The following ATP8A1 variants were observed in gnomAD, a reference collection of about 807,000 sequenced individuals.
The protein encoded by ATP8A1 is phospholipid-transporting ATPase IA.
ATP8A1 carries 90 observed loss-of-function variants against 177.7 expected under a neutral mutation model. The observed-to-expected ratio is 0.51, with a 90% CI of 0.43 to 0.60. ATP8A1 has a LOEUF of 0.60. ATP8A1 is among the 20% of genes least tolerant of loss of function. The pLI, the probability that ATP8A1 is intolerant of heterozygous loss-of-function variation, is 0.00. For missense variants in ATP8A1, 1,072 were observed against 1,392.8 expected (o/e 0.77, Z 3.67); for synonymous variants, 493 against 485.9 (o/e 1.01, Z -0.19).
At chr4:42,643,321 T>C (rs1028956156) in intron 1 of ATP8A1, among the ~76,000 whole-genome samples, 5 of 152,220 alleles carry the variant, frequency 3.3e-5, no homozygotes, top group Non-Finnish European at 2.9e-5. Context: ...TGCAATACTC[T>C]AAGAGAATAA....
chr4:42,416,559 TAAAAC>T (rs1577888224), intron 35 of ATP8A1, among the ~76,000 whole-genome samples: 1 of 152,178 alleles, frequency 6.6e-6, no homozygotes, highest in African/African-American at 2.4e-5. Flanking sequence ...CGTACAGCAT[TAAAAC>T]AAAGCAGTAA....
At chr4:42,636,138 A>ACG (rs1326939392) in intron 1 of ATP8A1, among the ~76,000 whole-genome samples, 11 of 40,262 alleles carry the variant, frequency 2.7e-4, no homozygotes, top group African/African-American at 7.4e-4. Context: ...ACACACACAC[A>ACG]CACACACACA....
intron 20 of ATP8A1, among the ~76,000 whole-genome samples, chr4:42,532,645 C>G (rs1727391540): frequency 6.6e-6 from 1 of 152,130 alleles, no homozygotes. Context: ...AGATAGGAGG[C>G]AGGACTAACT....
At chr4:42,445,395 TAC>T (rs1439423509) in intron 31 of ATP8A1, among the ~76,000 whole-genome samples, 1 of 152,222 alleles carries the variant, frequency 6.6e-6, no homozygotes, top group Non-Finnish European at 1.5e-5. Flanking sequence ...TTACCAATCT[TAC>T]AGAGATTTTT....
intron 24 of ATP8A1, among the ~76,000 whole-genome samples, chr4:42,497,073 A>G (rs1723352872): frequency 6.6e-6 from 1 of 152,224 alleles, no homozygotes; most frequent in Non-Finnish European, 1.5e-5. Context: ...TTTGGGAGAT[A>G]GCTGCTGGAA....
rs1021520918 is a variant in ATP8A1 at position 42,648,363 on chromosome 4, G to A, written c.49+8462C>T. Among the ~76,000 whole-genome samples the A allele has an allele frequency of 3.3e-5, 5 of 151,920 alleles. No homozygotes were observed. The East Asian group carries it at 5.8e-4, about 18-fold the overall frequency. ...GACCAAAATAAAGAGAGGTGGCGGC[G>A]GGTGGGGTGGGGGGAAGGGAAAGAG... On this transcript the variant is annotated intron_variant, in intron 1 of 36. Transcript: ENST00000381668.
At chr4:42,416,212 C>A (rs762294687) in intron 35 of ATP8A1, among the ~76,000 whole-genome samples, 1 of 152,104 alleles carries the variant, frequency 6.6e-6, no homozygotes, top group Non-Finnish European at 1.5e-5. Context: ...TTGAGGAAGT[C>A]GCAGCTTTAG....
chr4:42,435,659 G>A (rs1002359558), intron 33 of ATP8A1, among the ~76,000 whole-genome samples: 1 of 152,118 alleles, frequency 6.6e-6, no homozygotes, highest in Non-Finnish European at 1.5e-5. Context: ...GCTCTCTCCA[G>A]CTCTCTCTGC....
rs150853446 is a variant in ATP8A1, at chr4:42,538,900, C to T, written c.1722+5017G>A. Reference sequence around the variant, plus strand: ...ACTACCATTTGATCCAGCAATCCCACTCCTGGGTATCTACCCAGAGGAAAA... The same window carrying T: ...ACTACCATTTGATCCAGCAATCCCATTCCTGGGTATCTACCCAGAGGAAAA... On this transcript the variant is annotated intron_variant, in intron 20 of 36. Transcript: ENST00000381668. 2.3e-3 allele frequency among the ~76,000 whole-genome samples: 348 copies of T among 152,286 alleles called. 3 individuals are homozygous for T. The highest frequency in any genetic ancestry group is 8.0e-3 in the African/African-American group (331 of 41,552).
chr4:42,562,071 C>CT (rs1730892661), intron 15 of ATP8A1: 1 of 152,130 alleles, frequency 6.6e-6, no homozygotes, highest in African/African-American at 2.4e-5. Context: ...GCTCAGGTTT[C>CT]TTTTTTCTCT....
At position 42,522,695 on chromosome 4, in the gene ATP8A1, G is replaced by C. The variant is rs572040047; in HGVS notation, c.1808-396C>G. 8.5e-5 allele frequency among the ~76,000 whole-genome samples: 13 copies of C among 152,148 alleles called. No individual in the cohort carries two copies. The South Asian group carries it at 1.9e-3, about 22-fold the overall frequency. On this transcript the variant is annotated intron_variant, in intron 21 of 36. Transcript: ENST00000381668. ...TCCCTGCCATTCACTTCCCACATAG[G>C]GGGGTCTTTGCACATGCTGGTAACT...
chr4:42,595,635 T>A (rs1353508176), intron 6 of ATP8A1, among the ~76,000 whole-genome samples: 1 of 152,230 alleles, frequency 6.6e-6, no homozygotes, highest in African/African-American at 2.4e-5. Context: ...CTGAGAAAGA[T>A]AATAAAATGT....
In ATP8A1 at chr4:42,575,739, A is replaced by G. The variant is rs370684289; in HGVS notation, c.1129-40T>C. The G allele has an allele frequency of 3.3e-6, 5 of 1,527,638 alleles. No individual in the cohort carries two copies. The African/African-American group carries it at 4.1e-5, about 13-fold the overall frequency. 94.6% of individuals were successfully genotyped at this position (1,527,638 alleles called of 1,614,324 possible). A position where few individuals can be genotyped will look rare whatever the true frequency, so the allele number is the denominator to read the frequency against. ...AGTAAATCATTGAACACAACTGGTA[A>G]TAAGGAATTGGGTGAAACTTTAAAA... On this transcript the variant is annotated intron_variant, in intron 12 of 36. Coordinates refer to ENST00000381668, the MANE Select transcript of ATP8A1 (RefSeq NM_006095.2).
chr4:42,562,800 C>T (rs2153215691), intron 15 of ATP8A1, among the ~76,000 whole-genome samples: 1 of 152,302 alleles, frequency 6.6e-6, no homozygotes, highest in Admixed American at 6.5e-5. Context: ...AGTTTTCCTG[C>T]ACAAGCTCTC....
intron 1 of ATP8A1, among the ~76,000 whole-genome samples, chr4:42,635,770 C>CATATATAT (rs1739225110): frequency 1.7e-5 from 1 of 59,270 alleles, no homozygotes; most frequent in African/African-American, 5.6e-5. Flanking sequence ...CACACACACA[C>CATATATAT]ACACACACAC....
intron 20 of ATP8A1, among the ~76,000 whole-genome samples, chr4:42,528,456 A>G (rs1490004199): frequency 6.6e-6 from 1 of 152,170 alleles, no homozygotes; most frequent in Non-Finnish European, 1.5e-5. Flanking sequence ...TGTGCAGAAG[A>G]CACATGGATC....
chr4:42,429,579 G>A (rs1223519357), intron 33 of ATP8A1, among the ~76,000 whole-genome samples: 1 of 152,184 alleles, frequency 6.6e-6, no homozygotes. Context: ...CCTTCTGGCT[G>A]CCCTGGCCAA....
intron 5 of ATP8A1, among the ~76,000 whole-genome samples, chr4:42,615,158 ACT>A (rs1736776219): frequency 6.6e-6 from 1 of 152,178 alleles, no homozygotes; most frequent in African/African-American, 2.4e-5. Context: ...ATAATAAAAT[ACT>A]CTCAGTAAAT....
At chr4:42,599,535 T>A (rs998727821) in intron 6 of ATP8A1, among the ~76,000 whole-genome samples, 1 of 152,198 alleles carries the variant, frequency 6.6e-6, no homozygotes, top group African/African-American at 2.4e-5. Context: ...TCAGTCTCTA[T>A]TCTAGCCACT....
Sources: allele counts gnomAD v4.1 joint callset (sites outside exome capture counted in the v4.1 genomes callset), GRCh38; gene constraint gnomAD v4.1.1; transcripts MANE v1.5; gene names NCBI Gene and HGNC (gene_info 2026-07-23, HGNC 2026-07-21).